CPVL: variants seen among roughly 807,000 people sequenced by gnomAD.
The protein encoded by CPVL is carboxypeptidase vitellogenic like.
A neutral mutation model predicts 63.7 loss-of-function variants in CPVL; 51 were observed. The ratio of observed to expected loss-of-function variants is 0.80; its 90% CI spans 0.64 to 1.01. The LOEUF (loss-of-function observed/expected upper bound fraction) is 1.01, where lower values mean the gene tolerates loss of function less well. Ranked by LOEUF, CPVL falls within the 50% of genes least tolerant of loss-of-function variation. The probability of loss-of-function intolerance (pLI) is 0.00; values close to 1 mark genes in which losing one functional copy is unlikely to be tolerated. For synonymous variants in CPVL, 195 were observed against 206.0 expected (o/e 0.95, Z 0.46); for missense variants, 530 against 573.1 (o/e 0.92, Z 0.77).
rs1224232096 is a variant in CPVL at position 29,095,106 on chromosome 7, G to T, written c.440C>A (p.Ser147Tyr). The change falls in exon 5 of 13, where the codon TCC (serine) becomes TAC (tyrosine). Residue 147 changes from serine (S) to tyrosine (Y), a missense_variant. Physicochemically the swap from Ser to Tyr is moderately radical, Grantham distance 144. Transcript: ENST00000265394. ...TACTGGATTGTCAATGTAAAGCATG[G>T]AGAGCGTTGTGGTCCAGGGGAAGTC... ...DRDFPWTTTL[S>Y]MLYIDNPVGT... 5.6e-6 allele frequency: 9 copies of T among 1,613,898 alleles called. No homozygotes were observed. In the Admixed American group the frequency reaches 6.7e-5, roughly 12 times the overall value.
At chr7:29,177,951 C>T (rs930845703) in intron 5 of CPVL, among the ~76,000 whole-genome samples, 16 of 152,254 alleles carry the variant, frequency 1.1e-4, no homozygotes, top group Non-Finnish European at 1.8e-4. Context: ...CACAAAGTTC[C>T]CCCTCCCCAA....
intron 1 of CPVL, chr7:29,194,708 A>G: frequency 2.4e-6 from 1 of 409,986 alleles, no homozygotes; most frequent in Non-Finnish European, 4.2e-6. Flanking sequence ...ACCCATAGAA[A>G]AGCGTGCAAA....
In CPVL at chr7:28,995,700, A is replaced by G. The variant is rs987980262; in HGVS notation, c.*72T>C. 6.8e-6 allele frequency: 6 copies of G among 884,320 alleles called. No homozygotes were observed. Among genetic ancestry groups the G allele is most frequent in the Non-Finnish European group, 1.1e-5 (6 of 562,024 alleles). The allele number at this position is 884,320 out of a possible 1,614,324, so 54.8% of individuals were successfully genotyped here. ...ATGAAAAGATAATTTTTTTATTCCT[A>G]TGACATTTTCTGTTTTTACGATTTT... On this transcript the variant is annotated 3_prime_UTR_variant, in exon 13 of 13. Coordinates refer to ENST00000265394, the MANE Select transcript of CPVL (RefSeq NM_031311.5).
intron 5 of CPVL, among the ~76,000 whole-genome samples, chr7:29,168,832 A>G (rs1241125029): frequency 6.6e-6 from 1 of 152,254 alleles, no homozygotes; most frequent in African/African-American, 2.4e-5. Context: ...CTAAGTATGT[A>G]TTATGTGTGC....
intron 1 of CPVL, among the ~76,000 whole-genome samples, chr7:29,187,611 C>T (rs1798877863): frequency 6.6e-6 from 1 of 151,962 alleles, no homozygotes; most frequent in Non-Finnish European, 1.5e-5. Flanking sequence ...ACCTGTAATC[C>T]CAGCTACTCG....
intron 5 of CPVL, among the ~76,000 whole-genome samples, chr7:29,176,259 A>G (rs1797325747): frequency 6.6e-6 from 1 of 152,162 alleles, no homozygotes; most frequent in African/African-American, 2.4e-5. Flanking sequence ...GATCCAGAAG[A>G]GAAGTCAAGA....
chr7:29,030,609 C>A lies in CPVL; in HGVS notation c.1288G>T (p.Gly430Cys), dbSNP rs1370260533. Residue 430 changes from glycine to cysteine, a missense_variant, in exon 12 of 13, where the codon GGT becomes TGT. Gly to Cys is a radical substitution (Grantham distance 159). Transcript: ENST00000265394. ...AAGTCACCCGCTTGCCGGATGTAACCAGCCACTTCACTGTCAGATTTAAAG... is the reference window on the plus strand; with the variant it reads ...AAGTCACCCGCTTGCCGGATGTAACAAGCCACTTCACTGTCAGATTTAAAG... ...KIFKSDSEVA[G>C]YIRQAGDFHQ... The A allele has an allele frequency of 6.2e-7, 1 of 1,613,468 alleles. No individual in the cohort carries two copies. Among genetic ancestry groups the A allele is most frequent in the Non-Finnish European group, 8.5e-7 (1 of 1,179,686 alleles).
intron 7 of CPVL, among the ~76,000 whole-genome samples, chr7:29,075,872 CAATTATAG>C (rs1784188981): frequency 6.7e-6 from 1 of 148,496 alleles, no homozygotes; most frequent in Non-Finnish European, 1.5e-5. Context: ...ACAGAGAAGA[CAATTATAG>C]AATTATTTTT....
intron 1 of CPVL, among the ~76,000 whole-genome samples, chr7:29,123,449 G>T (rs1190852130): frequency 6.6e-6 from 1 of 151,438 alleles, no homozygotes; most frequent in Non-Finnish European, 1.5e-5. Context: ...CTGAAATTAG[G>T]TTCCCAAGAA....
intron 5 of CPVL, among the ~76,000 whole-genome samples, chr7:29,093,027 A>G (rs911594634): frequency 1.3e-5 from 2 of 152,136 alleles, no homozygotes; most frequent in Non-Finnish European, 2.9e-5. Flanking sequence ...CCCCTGCTAC[A>G]GTATCAAAAG....
At chr7:29,112,629 C>T (rs954475878) in intron 3 of CPVL, 75 bp downstream of exon 3, 45 of 916,522 alleles carry the variant, frequency 4.9e-5, no homozygotes, top group Middle Eastern at 3.4e-4. Context: ...ACCTGTAGCT[C>T]GGTAGGCTAA....
intron 7 of CPVL, among the ~76,000 whole-genome samples, chr7:29,077,582 T>A (rs996387751): frequency 1.3e-5 from 2 of 152,134 alleles, no homozygotes; most frequent in African/African-American, 4.8e-5. Context: ...TCTCCCCAGC[T>A]ACACAGAACT....
chr7:29,109,586 T>C (rs1788049871), intron 3 of CPVL, among the ~76,000 whole-genome samples: 2 of 152,220 alleles, frequency 1.3e-5, no homozygotes, highest in South Asian at 4.1e-4. Flanking sequence ...TGGCTCTGCA[T>C]GTGGGCTTCC....
At chr7:29,034,347 T>G (rs1788315057) in intron 11 of CPVL, among the ~76,000 whole-genome samples, 1 of 152,182 alleles carries the variant, frequency 6.6e-6, no homozygotes, top group South Asian at 2.1e-4. Flanking sequence ...GCTCAAGCAA[T>G]CTGCCCACCT....
intron 12 of CPVL, among the ~76,000 whole-genome samples, chr7:29,018,667 C>T (rs1786656468): frequency 6.6e-6 from 1 of 152,176 alleles, no homozygotes; most frequent in South Asian, 2.1e-4. Flanking sequence ...GCGTCAGCAA[C>T]CCTGCCCGGC....
At chr7:29,100,123 A>G (rs1277711824) in intron 3 of CPVL, among the ~76,000 whole-genome samples, 2 of 152,172 alleles carry the variant, frequency 1.3e-5, no homozygotes, top group African/African-American at 4.8e-5. Flanking sequence ...AGAGGTAGAA[A>G]AACAATGGGA....
At chr7:29,031,756 C>T (rs958338630) in intron 11 of CPVL, among the ~76,000 whole-genome samples, 1 of 151,984 alleles carries the variant, frequency 6.6e-6, no homozygotes, top group African/African-American at 2.4e-5. Flanking sequence ...TAGGTAAATG[C>T]ACAACAGTAT....
intron 1 of CPVL, among the ~76,000 whole-genome samples, chr7:29,138,630 T>C (rs1791513972): frequency 1.3e-5 from 2 of 152,128 alleles, no homozygotes; most frequent in South Asian, 4.2e-4. Flanking sequence ...AAATCAGCTC[T>C]GCTGCTAATC....
chr7:29,072,276 T>C (rs751743290), intron 8 of CPVL, 25 bp downstream of exon 8: 56 of 1,613,134 alleles, frequency 3.5e-5, no homozygotes, highest in Admixed American at 1.7e-4. Flanking sequence ...AGAGACAAAA[T>C]AGAAAGTCAG....
Sources: allele counts gnomAD v4.1 joint callset (sites outside exome capture counted in the v4.1 genomes callset), GRCh38; gene constraint gnomAD v4.1.1; transcripts MANE v1.5; gene names NCBI Gene and HGNC (gene_info 2026-07-23, HGNC 2026-07-21).